The following KIF1B variants were observed in gnomAD, a reference collection of about 807,000 sequenced individuals.
KIF1B encodes kinesin-like protein KIF1B.
In KIF1B, 76 loss-of-function variants were observed where a neutral mutation model predicts 241.9. The ratio of observed to expected loss-of-function variants is 0.31; its 90% confidence interval spans 0.26 to 0.38. The LOEUF is 0.38. KIF1B is among the 10% of genes least tolerant of loss of function. The pLI, the probability that KIF1B is intolerant of heterozygous loss-of-function variation, is 1.00. For synonymous variants in KIF1B, 750 were observed against 796.7 expected, an observed-to-expected ratio of 0.94 and a Z score of 0.99; for missense variants, 1,622 against 2,271.4, an observed-to-expected ratio of 0.71 and a Z score of 5.81.
intron 2 of KIF1B, 148 bp from the exon 3 acceptor site, chr1:10,256,099 G>A: frequency 1.5e-6 from 1 of 649,352 alleles, no homozygotes; most frequent in Non-Finnish European, 2.8e-6. Context: ...ATGAGCCACT[G>A]AGCCCAGCCT....
Position 10,279,121 on chromosome 1 carries a change from C to G in KIF1B, c.1205C>G (p.Ser402Cys). 2.6e-6 allele frequency: 4 copies of G among 1,546,178 alleles called. No homozygotes were observed. The highest frequency in any genetic ancestry group is 3.5e-6 in the Non-Finnish European group (4 of 1,143,448). ...IDIDPLIDDY[S>C]GSGSKYLKDF... Reference sequence around the variant, plus strand: ...GTTGATCCATTGATCGATGATTACTCTGGAAGTGGAAGCAAATGTGTGTAT... The same window carrying G: ...GTTGATCCATTGATCGATGATTACTGTGGAAGTGGAAGCAAATGTGTGTAT... Residue 402 changes from serine to cysteine, a missense_variant, in exon 14 of 49, where the codon TCT becomes TGT. Transcript: ENST00000676179.
intron 27 of KIF1B, among the ~76,000 whole-genome samples, chr1:10,332,559 A>G (rs1308548772): frequency 1.8e-5 from 2 of 111,218 alleles, no homozygotes; most frequent in Non-Finnish European, 3.3e-5. Context: ...TCTGTCGCCC[A>G]GGCTGGAGTG....
Position 10,345,827 on chromosome 1 carries a change from T to C in KIF1B, c.3689-18T>C. ...AGTCTTGGACCAGATTTTGACATAC[T>C]CTAAAAACTTTTAAAAGTTCCAGCC... On this transcript the variant is annotated intron_variant, in intron 34 of 48. Transcript: ENST00000676179. 2 of 1,600,840 alleles carry C rather than the reference T, an allele frequency of 1.2e-6. No homozygotes were observed. Among genetic ancestry groups the C allele is most frequent in the African/African-American group, 2.7e-5 (2 of 74,776 alleles).
chr1:10,315,854 A>G (rs1413198571), intron 22 of KIF1B, among the ~76,000 whole-genome samples: 2 of 151,138 alleles, frequency 1.3e-5, no homozygotes, highest in Admixed American at 1.3e-4. Context: ...TCAGGAGTTC[A>G]AGACCAGCCT....
Position 10,303,538 on chromosome 1 carries a change from T to A in KIF1B, c.2115+6292T>A. On this transcript the variant is annotated intron_variant, in intron 22 of 48. Transcript: ENST00000676179. This position sits in a 1 kb window ranked among gnomAD's most constrained non-coding sequence, Gnocchi z 5.2. Reference sequence around the variant, plus strand: ...GAAAGACCCCAATGAGCGGGACTCCTGGAGGGCAGTGGCCAGGGACGTCTG... The same window carrying A: ...GAAAGACCCCAATGAGCGGGACTCCAGGAGGGCAGTGGCCAGGGACGTCTG... The A allele has an allele frequency of 6.2e-7, 1 of 1,614,140 alleles. No homozygotes were observed. Among genetic ancestry groups the A allele is most frequent in the Non-Finnish European group, 8.5e-7 (1 of 1,180,012 alleles).
At chr1:10,372,663 G>C (rs188880781) in intron 45 of KIF1B, among the ~76,000 whole-genome samples, 1 of 116,920 alleles carries the variant, frequency 8.6e-6, no homozygotes, top group Non-Finnish European at 1.7e-5. Context: ...GGGTGACAGA[G>C]CTGTCACCCA....
rs1261963959 is a variant in KIF1B at position 10,297,069 on chromosome 1, G to A, written c.2034G>A (p.Met678Ile). 6.2e-7 allele frequency: 1 copy of A among 1,613,748 alleles called. No individual in the cohort carries two copies. Among genetic ancestry groups the A allele is most frequent in the Admixed American group, 1.7e-5 (1 of 59,964 alleles). The change falls in exon 21 of 49, where the codon ATG (methionine) becomes ATA (isoleucine). Residue 678 changes from methionine (M) to isoleucine (I), a missense_variant. Physicochemically the swap from Met to Ile is conservative, Grantham distance 10. This residue lies in a region of KIF1B where 803 missense variants were observed against 1,112.0 expected (regional missense o/e 0.72). Transcript: ENST00000676179. ...AAGGAATTGATATGAAACAAGAGAT[G>A]GAGAAAAGGTAATGCACAGTTACGC... is the stretch of plus-strand genomic sequence containing the variant. ...EKQGIDMKQE[M>I]EKRLQEMEIL...
chr1:10,357,887 T>C (rs1638297730), intron 38 of KIF1B, among the ~76,000 whole-genome samples: 1 of 151,826 alleles, frequency 6.6e-6, no homozygotes, highest in Non-Finnish European at 1.5e-5. Flanking sequence ...TGGGCGCCTG[T>C]AATCCCAGCT....
At chr1:10,350,030 C>T (rs1652732197) in intron 37 of KIF1B, among the ~76,000 whole-genome samples, 1 of 152,226 alleles carries the variant, frequency 6.6e-6, no homozygotes, top group South Asian at 2.1e-4. Context: ...GTGGCTCACG[C>T]CTGTAATCCC....
intron 17 of KIF1B, among the ~76,000 whole-genome samples, chr1:10,292,505 T>C (rs1284230878): frequency 6.6e-6 from 1 of 152,248 alleles, no homozygotes; most frequent in Non-Finnish European, 1.5e-5. Context: ...TTATAACTTT[T>C]TGGAACCAAT....
At position 10,326,093 on chromosome 1, in the gene KIF1B, G is replaced by A. The variant is rs768886781; in HGVS notation, c.2676-18G>A. The A allele has an allele frequency of 4.2e-5, 67 of 1,613,558 alleles. No individual in the cohort carries two copies. Among genetic ancestry groups the A allele is most frequent in the Middle Eastern group, 1.7e-4 (1 of 5,898 alleles). ...TCTCTCCCTGGCTGTGTTAATTGGC[G>A]TCTTACCTGGTGTCTAGCTCCCCCA... On this transcript the variant is annotated intron_variant, in intron 26 of 48. Transcript: ENST00000676179. This position sits in a 1 kb window ranked among gnomAD's most constrained non-coding sequence, Gnocchi z 5.2.
chr1:10,311,379 T>G lies in KIF1B; in HGVS notation c.2116-8664T>G, dbSNP rs142939488. 2.3e-3 allele frequency among the ~76,000 whole-genome samples: 346 copies of G among 151,250 alleles called. 16 individuals are homozygous for G. Among genetic ancestry groups the G allele is most frequent in the African/African-American group, 8.1e-3 (331 of 40,654 alleles). On this transcript the variant is annotated intron_variant, in intron 22 of 48. Transcript: ENST00000676179. ...GAACGCCACCACACCGAGCTAATTTTTGTATTTTTAGTAGAGACGGACGGG... is the reference window on the plus strand; with the variant it reads ...GAACGCCACCACACCGAGCTAATTTGTGTATTTTTAGTAGAGACGGACGGG...
Position 10,219,532 on chromosome 1 carries a change from G to A in KIF1B, c.-80+8654G>A, listed in dbSNP as rs1406465507. ...AGCACTTCGGGAGGCCGAGGCAGGC[G>A]GATCACCTGAGGTCGGGAGTTTGAG... On this transcript the variant is annotated intron_variant, in intron 1 of 48. Transcript: ENST00000676179. 3.3e-5 allele frequency among the ~76,000 whole-genome samples: 5 copies of A among 151,772 alleles called. 1 individual carries two copies. Among genetic ancestry groups the A allele is most frequent in the East Asian group, 3.9e-4 (2 of 5,186 alleles).
chr1:10,250,071 A>G (rs1647353073), intron 2 of KIF1B, among the ~76,000 whole-genome samples: 1 of 152,050 alleles, frequency 6.6e-6, no homozygotes, highest in Non-Finnish European at 1.5e-5. Context: ...TTGGCCTCCT[A>G]AAGTGTTGAG....
intron 28 of KIF1B, among the ~76,000 whole-genome samples, chr1:10,335,993 T>C (rs566322389): frequency 2.9e-4 from 44 of 152,332 alleles, no homozygotes; most frequent in Admixed American, 2.0e-4. Flanking sequence ...CTATGGAAAC[T>C]TGTGACACAA....
chr1:10,302,571 C>A (rs946445588), intron 22 of KIF1B, among the ~76,000 whole-genome samples: 2 of 152,182 alleles, frequency 1.3e-5, no homozygotes, highest in African/African-American at 4.8e-5. Flanking sequence ...TAGGGCTGCT[C>A]TTTTTAGTAA....
chr1:10,343,845 G>T (rs759303254), intron 34 of KIF1B, among the ~76,000 whole-genome samples: 13 of 152,078 alleles, frequency 8.5e-5, no homozygotes, highest in Non-Finnish European at 1.8e-4. Flanking sequence ...AAACTCTCTG[G>T]TCTTCTATTT....
Position 10,321,743 on chromosome 1 carries a change from A to G in KIF1B, c.2244A>G (p.Gln748=), listed in dbSNP as rs760262161. Residue 748 remains glutamine (Q), a synonymous_variant, in exon 24 of 49, where the codon CAA becomes CAG. Transcript: ENST00000676179. The stretch of plus-strand genomic sequence containing the variant: ...CACAGCATGAATTTGAGTTGGCCCA[A>G]TGGGCCTTCCGGAAATGGAAGTCTC... ...PWTQHEFELA[Q]WAFRKWKSHQ... 12 of 1,614,044 alleles carry G rather than the reference A, an allele frequency of 7.4e-6. No homozygotes were observed. The highest frequency in any genetic ancestry group is 4.5e-5 in the East Asian group (2 of 44,898).
At chr1:10,346,197 T>A (rs1419640906) in intron 35 of KIF1B, among the ~76,000 whole-genome samples, 1 of 152,092 alleles carries the variant, frequency 6.6e-6, no homozygotes, top group African/African-American at 2.4e-5. Context: ...ATTACAGGCA[T>A]GAGCCACCAC....
Sources: gnomAD v4.1 joint callset for allele counts (sites outside exome capture counted in the v4.1 genomes callset) on GRCh38, gnomAD v4.1.1 for gene constraint, gnomAD v4.1.1 regional missense constraint, Gnocchi (gnomAD v3.1) non-coding constraint, MANE v1.5 for transcripts, NCBI Gene and HGNC (gene_info 2026-07-23, HGNC 2026-07-21) for gene names.